The following R3HDML variants were observed in gnomAD, a reference collection of about 807,000 sequenced individuals.
R3HDML encodes the protein peptidase inhibitor R3HDML.
In R3HDML, 21 loss-of-function variants were observed where a neutral mutation model predicts 24.2. That is an observed-to-expected ratio of 0.87 (90% CI 0.62 to 1.25). The LOEUF is 1.25. R3HDML is among the 50% of genes most tolerant of loss of function. The probability of loss-of-function intolerance (pLI) is 0.00; values close to 1 mark genes in which losing one functional copy is unlikely to be tolerated. For synonymous variants in R3HDML, 133 were observed against 131.5 expected, an observed-to-expected ratio of 1.01 and a Z score of -0.08; for missense variants, 301 against 340.3, an observed-to-expected ratio of 0.88 and a Z score of 0.91.
At chr20:44,341,368 A>G (rs1284921408) in intron 2 of R3HDML, 54 bp downstream of exon 2, 2 of 1,392,530 alleles carry the variant, frequency 1.4e-6, no homozygotes, top group East Asian at 2.3e-5. Flanking sequence ...TACTCATTGA[A>G]CACTTACTCT....
At chr20:44,348,482 CTCCTTTCCTTTCCTT>C (rs36204291) in intron 4 of R3HDML, among the ~76,000 whole-genome samples, 35,622 of 135,072 alleles carry the variant, frequency 0.26, 5,148 homozygotes, top group East Asian at 0.45. Flanking sequence ...TTTTCCCTTT[CTCCTTTCCTTTCCTT>C]TCCTTTCCTT....
In R3HDML at chr20:44,343,445, C is replaced by A. The variant is rs2062777476; in HGVS notation, c.449C>A (p.Pro150Gln). Residue 150 changes from proline to glutamine, a missense_variant, in exon 3 of 5, where the codon CCA (proline) becomes CAA (glutamine). By Grantham distance (76) the Pro-to-Gln change is moderately conservative (BLOSUM62 -1). Coordinates refer to ENST00000217043, the MANE Select transcript of R3HDML (RefSeq NM_178491.4). Reference sequence around the variant, plus strand: ...AAGTGGCATTACTTGTTTCCGGCCCCAAGGGACTGTAACCCACACTGCCCC... The same window carrying A: ...AAGTGGCATTACTTGTTTCCGGCCCAAAGGGACTGTAACCCACACTGCCCC... ...EEKWHYLFPA[P>Q]RDCNPHCPWR... 6.2e-7 allele frequency: 1 copy of A among 1,613,282 alleles called. No homozygotes were observed. Among genetic ancestry groups the A allele is most frequent in the Non-Finnish European group, 8.5e-7 (1 of 1,179,674 alleles).
Position 44,348,482 on chromosome 20 carries a change from CTCCTTTCCTTTCCTTTCCTT to C in R3HDML, c.630-2160_630-2141del, listed in dbSNP as rs36204291. Among the ~76,000 whole-genome samples the C allele has an allele frequency of 2.0e-3, 274 of 135,248 alleles. 3 individuals carry two copies. Among genetic ancestry groups the C allele is most frequent in the Middle Eastern group, 0.018 (5 of 274 alleles). The allele number at this position is 135,248 out of a possible 152,430, so 88.7% of individuals were successfully genotyped here. A position where few individuals can be genotyped will look rare whatever the true frequency, so the allele number is the denominator to read the frequency against. On this transcript the variant is annotated intron_variant, in intron 4 of 4. Transcript: ENST00000217043. ...TTTTCCCCTTTCTCCTTTTCCCTTTCTCCTTTCCTTTCCTTTCCTTTCCTTTCCTTTCCTTTCTTTTCTTC... is the reference window on the plus strand; with the variant it reads ...TTTTCCCCTTTCTCCTTTTCCCTTTCTCCTTTCCTTTCCTTTCTTTTCTTC...
At chr20:44,340,504 C>T (rs1014468623) in intron 1 of R3HDML, among the ~76,000 whole-genome samples, 7 of 152,186 alleles carry the variant, frequency 4.6e-5, no homozygotes, top group African/African-American at 1.2e-4. Flanking sequence ...AGGCCGGGTG[C>T]GATCCACCTG....
intron 1 of R3HDML, among the ~76,000 whole-genome samples, chr20:44,340,598 T>C (rs2062769634): frequency 6.6e-6 from 1 of 152,126 alleles, no homozygotes; most frequent in South Asian, 2.1e-4. Context: ...AGTTGGAGAC[T>C]AGCCTGGGCA....
rs11697359 is a variant in R3HDML at position 44,345,295 on chromosome 20, T to G, written c.546T>G (p.Cys182Trp). The G allele has an allele frequency of 6.2e-7, 1 of 1,614,060 alleles. No homozygotes were observed. The highest frequency in any genetic ancestry group is 1.3e-5 in the African/African-American group (1 of 75,028). The change falls in exon 4 of 5, where the codon TGT becomes TGG. Residue 182 changes from cysteine to tryptophan, a missense_variant. By Grantham distance (215) the Cys-to-Trp change is radical. Transcript: ENST00000217043. ...GGGCATCCTCCAATCGGCTGGGCTGTGCCATCCACACCTGTAGTAGCATCA... is the reference window on the plus strand; with the variant it reads ...GGGCATCCTCCAATCGGCTGGGCTGGGCCATCCACACCTGTAGTAGCATCA... ...MVWASSNRLGCAIHTCSSISV... is the reference protein window; with the variant it reads ...MVWASSNRLGWAIHTCSSISV...
Position 44,341,331 on chromosome 20 carries a change from C to A in R3HDML, c.380+17C>A. On this transcript the variant is annotated intron_variant, in intron 2 of 4. Transcript: ENST00000217043. Reference sequence around the variant, plus strand: ...TTCTGGCCAGTGAGTGACCCTCTGCCCTTCCTTCACTCAGTCATTCAACAA... The same window carrying A: ...TTCTGGCCAGTGAGTGACCCTCTGCACTTCCTTCACTCAGTCATTCAACAA... 1 of 1,569,276 alleles carries A rather than the reference C, an allele frequency of 6.4e-7. No homozygotes were observed. The highest frequency in any genetic ancestry group is 8.8e-7 in the Non-Finnish European group (1 of 1,140,704).
intron 3 of R3HDML, chr20:44,345,023 GTGTC>G: frequency 1.9e-6 from 1 of 534,370 alleles, no homozygotes; most frequent in Non-Finnish European, 3.3e-6. Flanking sequence ...GTGTATGTGT[GTGTC>G]TGTTTGTACA....
intron 2 of R3HDML, among the ~76,000 whole-genome samples, chr20:44,343,162 T>G (rs1401235699): frequency 6.6e-6 from 1 of 152,054 alleles, no homozygotes; most frequent in Admixed American, 6.5e-5. Flanking sequence ...CACGTATCCT[T>G]TTTTGAGGAC....
intron 2 of R3HDML, among the ~76,000 whole-genome samples, chr20:44,342,723 G>A (rs1285171100): frequency 6.6e-6 from 1 of 152,116 alleles, no homozygotes; most frequent in African/African-American, 2.4e-5. Flanking sequence ...AGGCAGAAGC[G>A]AGCGGATCAC....
chr20:44,341,778 G>A (rs537389873), intron 2 of R3HDML, among the ~76,000 whole-genome samples: 4 of 152,252 alleles, frequency 2.6e-5, no homozygotes, highest in Non-Finnish European at 4.4e-5. Flanking sequence ...CCAAGTACTC[G>A]GGAGGCTGAG....
In R3HDML at chr20:44,337,124, G is replaced by T; in HGVS notation, c.-34G>T. 1 of 1,592,576 alleles carries T rather than the reference G, an allele frequency of 6.3e-7. No individual in the cohort carries two copies. On this transcript the variant is annotated 5_prime_UTR_variant, in exon 1 of 5. Coordinates refer to ENST00000217043, the MANE Select transcript of R3HDML (RefSeq NM_178491.4). This position sits in a 1 kb window ranked among gnomAD's most constrained non-coding sequence, Gnocchi z 4.7. The stretch of plus-strand genomic sequence containing the variant: ...CCCTTCCAGGCAGCCGGCTCTGATT[G>T]CACAAGGCAGACCTGTGACTCCTCC...
chr20:44,343,110 G>A (rs891044207), intron 2 of R3HDML, among the ~76,000 whole-genome samples: 7 of 152,242 alleles, frequency 4.6e-5, no homozygotes, highest in Non-Finnish European at 8.8e-5. Context: ...AAGCTCCCCC[G>A]TCTGAGATGC....
chr20:44,342,861 C>T (rs755867452), intron 2 of R3HDML, among the ~76,000 whole-genome samples: 9 of 152,032 alleles, frequency 5.9e-5, no homozygotes, highest in Admixed American at 5.9e-4. Flanking sequence ...GGCTGAGGCA[C>T]AAGAATTGCT....
intron 4 of R3HDML, among the ~76,000 whole-genome samples, chr20:44,349,632 A>G (rs929935442): frequency 3.3e-5 from 5 of 152,204 alleles, no homozygotes; most frequent in Non-Finnish European, 5.9e-5. Context: ...AAAAAAGATT[A>G]TATTTCTGCT....
At chr20:44,348,494 CCTTTCCTTTCCTTTCCTTTCCTTTCTTTT>C (rs2062796782) in intron 4 of R3HDML, among the ~76,000 whole-genome samples, 1 of 63,956 alleles carries the variant, frequency 1.6e-5, no homozygotes, top group Admixed American at 2.4e-4. Flanking sequence ...CCTTTCCTTT[CCTTTCCTTTCCTTTCCTTTCCTTTCTTTT>C]CTTCTGTCCA....
At chr20:44,349,214 T>C (rs939050430) in intron 4 of R3HDML, among the ~76,000 whole-genome samples, 4 of 151,990 alleles carry the variant, frequency 2.6e-5, no homozygotes, top group African/African-American at 9.7e-5. Flanking sequence ...GCCTTGCCCA[T>C]AGTACATGCT....
chr20:44,340,925 TCCTGTACGAACACCCTGGGA>T (rs1282732099), intron 1 of R3HDML, among the ~76,000 whole-genome samples: 1 of 152,240 alleles, frequency 6.6e-6, no homozygotes, highest in Non-Finnish European at 1.5e-5. Context: ...TGCTGAGAAC[TCCTGTACGAACACCCTGGGA>T]CCTGCTCAGA....
chr20:44,343,109 C>T (rs564267132), intron 2 of R3HDML, among the ~76,000 whole-genome samples: 3 of 152,282 alleles, frequency 2.0e-5, no homozygotes, highest in South Asian at 4.1e-4. Flanking sequence ...CAAGCTCCCC[C>T]GTCTGAGATG....
Sources: allele counts gnomAD v4.1 joint callset (sites outside exome capture counted in the v4.1 genomes callset), GRCh38; gene constraint gnomAD v4.1.1; non-coding constraint Gnocchi (gnomAD v3.1); transcripts MANE v1.5; gene names NCBI Gene and HGNC (gene_info 2026-07-23, HGNC 2026-07-21).